NFIL3: variants seen among roughly 807,000 people sequenced by gnomAD.
NFIL3 encodes the protein nuclear factor, interleukin 3 regulated.
A neutral mutation model predicts 10.0 loss-of-function variants in NFIL3; 5 were observed. The ratio of observed to expected loss-of-function variants is 0.50; its 90% CI spans 0.26 to 1.06. The LOEUF (loss-of-function observed/expected upper bound fraction) is 1.06. NFIL3 is among the 50% of genes least tolerant of loss of function. NFIL3 has a pLI of 0.13. For missense variants in NFIL3, 436 were observed against 547.6 expected, an observed-to-expected ratio of 0.80 and a Z score of 2.03; for synonymous variants, 202 against 206.5, an observed-to-expected ratio of 0.98 and a Z score of 0.19.
chr9:91,433,802 T>C, the NFIL3 span, among the ~76,000 whole-genome samples: 2 of 152,176 alleles, frequency 1.3e-5, no homozygotes, highest in Non-Finnish European at 2.9e-5. Flanking sequence ...AGGCAGTGTT[T>C]AATAAATGTT....
intron 1 of NFIL3, among the ~76,000 whole-genome samples, chr9:91,421,263 T>G (rs1205175619): frequency 6.6e-6 from 1 of 151,672 alleles, no homozygotes; most frequent in Non-Finnish European, 1.5e-5. Context: ...CCTGGCTCCC[T>G]GGCTCCCGCG....
At chr9:91,439,157 T>A in the NFIL3 span, among the ~76,000 whole-genome samples, 1 of 152,148 alleles carries the variant, frequency 6.6e-6, no homozygotes, top group Non-Finnish European at 1.5e-5. Flanking sequence ...GCATGGGATA[T>A]CTTTGTATTT....
the NFIL3 span, among the ~76,000 whole-genome samples, chr9:91,466,486 T>C: frequency 1.3e-5 from 2 of 152,214 alleles, no homozygotes; most frequent in Non-Finnish European, 2.9e-5. Flanking sequence ...TGGATATGTA[T>C]GTTTGTATAA....
At position 91,409,686 on chromosome 9, in the gene NFIL3, T is replaced by G. The variant is rs1370686768; in HGVS notation, c.1049A>C (p.Lys350Thr). 1.2e-6 allele frequency: 2 copies of G among 1,614,088 alleles called. No individual in the cohort carries two copies. The highest frequency in any genetic ancestry group is 2.7e-5 in the African/African-American group (2 of 74,938). Residue 350 changes from lysine (K) to threonine (T), a missense_variant, in exon 2 of 2, where the codon AAA (lysine) becomes ACA (threonine). Physicochemically the swap from Lys to Thr is moderately conservative, Grantham distance 78. This residue lies in a region of NFIL3 where 338 missense variants were observed against 399.9 expected (regional missense o/e 0.85). Coordinates refer to ENST00000297689, the MANE Select transcript of NFIL3 (RefSeq NM_005384.3). ...TGTCATGTCAATAGGTGAGGAAAGTTTTTGCGTGGCCTCAAATTCATTATC... is the reference window on the plus strand; with the variant it reads ...TGTCATGTCAATAGGTGAGGAAAGTGTTTGCGTGGCCTCAAATTCATTATC... ...AFDNEFEATQ[K>T]LSSPIDMTSK... is the part of the protein sequence containing the mutation.
chr9:91,469,811 C>T, the NFIL3 span, among the ~76,000 whole-genome samples: 4 of 152,132 alleles, frequency 2.6e-5, no homozygotes, highest in Non-Finnish European at 4.4e-5. Flanking sequence ...GTCTTTGGTT[C>T]TGTTTATATG....
Position 91,410,345 on chromosome 9 carries a change from G to C in NFIL3, c.390C>G (p.Ser130Arg). 6.2e-7 allele frequency: 1 copy of C among 1,614,150 alleles called. No homozygotes were observed. The highest frequency in any genetic ancestry group is 2.2e-5 in the East Asian group (1 of 44,882). Residue 130 changes from serine (S) to arginine (R), a missense_variant, in exon 2 of 2, where the codon AGC becomes AGG. Physicochemically the swap from Ser to Arg is moderately radical, Grantham distance 110. Transcript: ENST00000297689. The surrounding 1 kb of genome is among the most constrained non-coding windows in gnomAD (Gnocchi z 5.7). Reference protein sequence around the residue: ...LSLKLKFGLISSTAYAQEIQK... With the variant: ...LSLKLKFGLIRSTAYAQEIQK... ...GAATCTCTTGAGCATATGCTGTGGA[G>C]CTAATTAAACCAAACTTTAATTTTA...
the NFIL3 span, among the ~76,000 whole-genome samples, chr9:91,439,785 A>G: frequency 2.0e-5 from 3 of 152,060 alleles, no homozygotes; most frequent in African/African-American, 7.2e-5. Flanking sequence ...GGTTTTTACT[A>G]TTTCATTCTG....
the NFIL3 span, among the ~76,000 whole-genome samples, chr9:91,445,631 G>A: frequency 6.6e-6 from 1 of 152,130 alleles, no homozygotes; most frequent in African/African-American, 2.4e-5. Context: ...TGAGGGGTGG[G>A]GTGCAGCATT....
upstream of NFIL3, among the ~76,000 whole-genome samples, chr9:91,425,246 C>T (rs1368418341): frequency 6.6e-6 from 1 of 152,206 alleles, no homozygotes; most frequent in East Asian, 1.9e-4. Flanking sequence ...GCAGAGTGAA[C>T]ACCCAGGTAC....
chr9:91,460,228 G>C, the NFIL3 span, among the ~76,000 whole-genome samples: 3 of 144,840 alleles, frequency 2.1e-5, no homozygotes, highest in East Asian at 6.6e-4. Flanking sequence ...AAAGAAGAAA[G>C]AAAAGTGTAC....
chr9:91,457,059 A>G, the NFIL3 span, among the ~76,000 whole-genome samples: 71 of 152,062 alleles, frequency 4.7e-4, no homozygotes, highest in Non-Finnish European at 8.7e-4. Flanking sequence ...TGGACTCTTT[A>G]TTCTCTTTTA....
the NFIL3 span, among the ~76,000 whole-genome samples, chr9:91,467,688 A>T: frequency 1.2e-4 from 18 of 149,648 alleles, no homozygotes; most frequent in Admixed American, 2.7e-4. Context: ...CCTCCCCCCA[A>T]CCCCCACCCC....
chr9:91,410,835 T>C lies in NFIL3; in HGVS notation c.-101A>G. On this transcript the variant is annotated 5_prime_UTR_variant, in exon 2 of 2. Transcript: ENST00000297689. The surrounding 1 kb of genome is among the most constrained non-coding windows in gnomAD (Gnocchi z 5.7). ...TCTGGTTTAAAATCCATCAATATTC[T>C]TCCTTTTGTTCTACCGTCTGGGATA... 8.0e-7 allele frequency: 1 copy of C among 1,242,878 alleles called. No homozygotes were observed. The highest frequency in any genetic ancestry group is 1.1e-6 in the Non-Finnish European group (1 of 905,246). The allele number at this position is 1,242,878 out of a possible 1,614,324, so 77.0% of individuals were successfully genotyped here. A position where few individuals can be genotyped will look rare whatever the true frequency, so the allele number is the denominator to read the frequency against.
chr9:91,415,119 A>G (rs1428515636), intron 1 of NFIL3, among the ~76,000 whole-genome samples: 1 of 152,174 alleles, frequency 6.6e-6, no homozygotes, highest in East Asian at 1.9e-4. Flanking sequence ...GGGCACATAA[A>G]GAGGGAGAGA....
the NFIL3 span, among the ~76,000 whole-genome samples, chr9:91,437,474 G>A: frequency 6.6e-6 from 1 of 152,110 alleles, no homozygotes; most frequent in Non-Finnish European, 1.5e-5. Flanking sequence ...TAACATATTC[G>A]TCATCTCACA....
At chr9:91,463,016 A>G in the NFIL3 span, among the ~76,000 whole-genome samples, 3 of 152,072 alleles carry the variant, frequency 2.0e-5, no homozygotes, top group South Asian at 6.2e-4. Flanking sequence ...TCCTTTTAAT[A>G]TCTATAGAAT....
chr9:91,417,027 C>T (rs1833670387), intron 1 of NFIL3, among the ~76,000 whole-genome samples: 1 of 152,136 alleles, frequency 6.6e-6, no homozygotes, highest in African/African-American at 2.4e-5. Flanking sequence ...AATAAACATG[C>T]TTTGTTTCAA....
the NFIL3 span, among the ~76,000 whole-genome samples, chr9:91,461,811 T>A: frequency 1.3e-5 from 2 of 152,120 alleles, no homozygotes; most frequent in Admixed American, 1.3e-4. Flanking sequence ...CCTTAATAAC[T>A]CTTAAGGATG....
At chr9:91,426,305 A>G (rs1193303254), upstream of NFIL3, 1 of 152,220 alleles carries the variant, frequency 6.6e-6, no homozygotes, top group Non-Finnish European at 1.5e-5. Context: ...CCTGGTGATT[A>G]GGACACCACT....
Sources: allele counts gnomAD v4.1 joint callset (sites outside exome capture counted in the v4.1 genomes callset), GRCh38; gene constraint gnomAD v4.1.1; regional missense constraint gnomAD v4.1.1; non-coding constraint Gnocchi (gnomAD v3.1); transcripts MANE v1.5; gene names NCBI Gene and HGNC (gene_info 2026-07-23, HGNC 2026-07-21).